Variants in PPM1D observed in about 807,000 individuals in gnomAD.
PPM1D encodes protein phosphatase 1D.
In PPM1D, 52 loss-of-function variants were observed where a neutral mutation model predicts 58.3. The ratio of observed to expected loss-of-function variants is 0.89; its 90% CI spans 0.71 to 1.12. The LOEUF (loss-of-function observed/expected upper bound fraction) is 1.12, where lower values mean the gene tolerates loss of function less well. Among genes scored for constraint, PPM1D ranks in the 50% most tolerant of loss-of-function variants. The probability of loss-of-function intolerance (pLI) is 0.00; values close to 1 mark genes in which losing one functional copy is unlikely to be tolerated. For missense variants in PPM1D, 564 were observed against 777.2 expected, an observed-to-expected ratio of 0.73 and a Z score of 3.26; for synonymous variants, 278 against 285.1, an observed-to-expected ratio of 0.98 and a Z score of 0.25.
chr17:60,625,376 A>G (rs1181304944), intron 2 of PPM1D, among the ~76,000 whole-genome samples: 1 of 152,176 alleles, frequency 6.6e-6, no homozygotes, highest in Non-Finnish European at 1.5e-5. Flanking sequence ...TAAGATTACA[A>G]ATTGGTACTA....
At chr17:60,626,867 A>G (rs1243262229) in intron 2 of PPM1D, among the ~76,000 whole-genome samples, 1 of 152,122 alleles carries the variant, frequency 6.6e-6, no homozygotes, top group East Asian at 1.9e-4. Context: ...ATTTGAATTT[A>G]TCTTATGAGA....
chr17:60,637,876 G>A (rs1031383664), intron 3 of PPM1D, among the ~76,000 whole-genome samples: 1 of 152,176 alleles, frequency 6.6e-6, no homozygotes, highest in Non-Finnish European at 1.5e-5. Context: ...TTGGGTTAGC[G>A]TACCCTGGAA....
intron 1 of PPM1D, among the ~76,000 whole-genome samples, chr17:60,602,380 G>A (rs1222440327): frequency 6.6e-6 from 1 of 151,936 alleles, no homozygotes; most frequent in Admixed American, 6.6e-5. Flanking sequence ...TGAACTTTAA[G>A]GATAAAAAAT....
chr17:60,656,573 C>G, intron 4 of PPM1D, 26 bp from the exon 5 acceptor site: 4 of 1,605,714 alleles, frequency 2.5e-6, no homozygotes, highest in Non-Finnish European at 3.4e-6. Flanking sequence ...GAGTTACTTT[C>G]CTTCTCCTTG....
intron 2 of PPM1D, among the ~76,000 whole-genome samples, 159 bp downstream of exon 2, chr17:60,623,908 C>T (rs761093683): frequency 2.0e-5 from 3 of 152,118 alleles, no homozygotes; most frequent in Non-Finnish European, 2.9e-5. Flanking sequence ...TATGTATGTT[C>T]ATATTTTTCT....
chr17:60,648,673 C>T (rs1370743258), intron 4 of PPM1D, among the ~76,000 whole-genome samples: 2 of 152,110 alleles, frequency 1.3e-5, no homozygotes, highest in South Asian at 4.1e-4. Flanking sequence ...AGCCACTGCG[C>T]CCGGCCAAAA....
intron 2 of PPM1D, among the ~76,000 whole-genome samples, chr17:60,625,540 C>G (rs1360935259): frequency 6.6e-6 from 1 of 152,178 alleles, no homozygotes; most frequent in African/African-American, 2.4e-5. Flanking sequence ...GGCCTAACAG[C>G]TGGATAATGG....
In PPM1D at chr17:60,664,329, GTT is replaced by G. The variant is rs1441470615; in HGVS notation, c.*779_*780del. ...CTTAAAGTAGTTACTCCCTTCTCGT[GTT>G]TGCTTAAAATATGTGAAGTTTTCCT... On this transcript the variant is annotated 3_prime_UTR_variant, in exon 6 of 6. Transcript: ENST00000305921. 6.6e-6 allele frequency: 1 copy of G among 152,620 alleles called. No individual in the cohort carries two copies. Among genetic ancestry groups the G allele is most frequent in the Non-Finnish European group, 1.5e-5 (1 of 68,016 alleles). 9.5% of individuals were successfully genotyped at this position (152,620 alleles called of 1,614,324 possible). A position where few individuals can be genotyped will look rare whatever the true frequency, so the allele number is the denominator to read the frequency against.
chr17:60,604,587 T>G (rs2030290244), intron 1 of PPM1D: 1 of 152,168 alleles, frequency 6.6e-6, no homozygotes, highest in Non-Finnish European at 1.5e-5. Flanking sequence ...GGCAAGACCC[T>G]GTTGCTATAC....
In PPM1D at chr17:60,665,096, T is replaced by C. The variant is rs959634885; in HGVS notation, c.*1544T>C. On this transcript the variant is annotated 3_prime_UTR_variant, in exon 6 of 6. Transcript: ENST00000305921. ...CTGCGATTCTCCTGCCTCAGCCTCCTGAGTAGCTGAGATTACAGGCACGCG... is the reference window on the plus strand; with the variant it reads ...CTGCGATTCTCCTGCCTCAGCCTCCCGAGTAGCTGAGATTACAGGCACGCG... The C allele has an allele frequency of 1.3e-5, 2 of 152,068 alleles. No individual in the cohort carries two copies. The highest frequency in any genetic ancestry group is 4.8e-5 in the African/African-American group (2 of 41,340). The allele number at this position is 152,068 out of a possible 1,614,324, so 9.4% of individuals were successfully genotyped here.
intron 1 of PPM1D, among the ~76,000 whole-genome samples, chr17:60,622,204 G>A (rs1265008849): frequency 6.7e-6 from 1 of 149,608 alleles, no homozygotes; most frequent in Non-Finnish European, 1.5e-5. Context: ...AAAAAAAAAA[G>A]GAACACTCAT....
At chr17:60,623,986 A>G (rs971372257) in intron 2 of PPM1D, among the ~76,000 whole-genome samples, 1 of 152,194 alleles carries the variant, frequency 6.6e-6, no homozygotes, top group Non-Finnish European at 1.5e-5. Flanking sequence ...AGTGAGCCCC[A>G]AGGAAACAAT....
At chr17:60,635,778 GC>G (rs1453596531) in intron 3 of PPM1D, among the ~76,000 whole-genome samples, 4 of 152,148 alleles carry the variant, frequency 2.6e-5, no homozygotes, top group Admixed American at 6.6e-5. Flanking sequence ...ATTAGGTATT[GC>G]TAAATTTCTT....
At position 60,666,038 on chromosome 17, in the gene PPM1D, T is replaced by C. The variant is rs1351417979; in HGVS notation, c.*2486T>C. On this transcript the variant is annotated 3_prime_UTR_variant, in exon 6 of 6. Coordinates refer to ENST00000305921, the MANE Select transcript of PPM1D (RefSeq NM_003620.4). ...AGACTCCTACACAAGGCATGAATTC[T>C]AGGAGGTGGGCATTTTTAAGTGTCA... 6.6e-6 allele frequency: 1 copy of C among 152,318 alleles called. No homozygotes were observed. The highest frequency in any genetic ancestry group is 6.5e-5 in the Admixed American group (1 of 15,290). 9.4% of individuals were successfully genotyped at this position (152,318 alleles called of 1,614,324 possible).
intron 4 of PPM1D, among the ~76,000 whole-genome samples, chr17:60,648,615 C>G (rs562131817): frequency 6.6e-6 from 1 of 152,024 alleles, no homozygotes; most frequent in Admixed American, 6.6e-5. Context: ...GATCTGACCT[C>G]GTGATCCGCC....
At position 60,664,816 on chromosome 17, in the gene PPM1D, G is replaced by GTTTC. The variant is rs2031589426; in HGVS notation, c.*1267_*1268insCTTT. 1 of 152,002 alleles carries GTTTC rather than the reference G, an allele frequency of 6.6e-6. No homozygotes were observed. 9.4% of individuals were successfully genotyped at this position (152,002 alleles called of 1,614,324 possible). ...TATTTATTTATTATTTTGTTTGTTT[G>GTTTC]TTTGAGATGGAGTCTCACTCTGTCA... On this transcript the variant is annotated 3_prime_UTR_variant, in exon 6 of 6. Transcript: ENST00000305921.
At chr17:60,626,000 C>T (rs1275376839) in intron 2 of PPM1D, among the ~76,000 whole-genome samples, 1 of 152,056 alleles carries the variant, frequency 6.6e-6, no homozygotes, top group Non-Finnish European at 1.5e-5. Context: ...TGTGTCCTTT[C>T]AAAAGAGAGA....
intron 3 of PPM1D, among the ~76,000 whole-genome samples, chr17:60,637,969 A>G (rs1228579939): frequency 1.3e-5 from 2 of 152,168 alleles, no homozygotes; most frequent in Non-Finnish European, 2.9e-5. Context: ...AAAAATGACC[A>G]TGGGATTTAG....
intron 1 of PPM1D, among the ~76,000 whole-genome samples, chr17:60,620,809 G>A (rs555044367): frequency 7.9e-4 from 121 of 152,280 alleles, no homozygotes; most frequent in African/African-American, 2.5e-3. Context: ...CACCCAGCCT[G>A]TTGCCATTTC....
Sources: allele counts gnomAD v4.1 joint callset (sites outside exome capture counted in the v4.1 genomes callset), GRCh38; gene constraint gnomAD v4.1.1; transcripts MANE v1.5; gene names NCBI Gene and HGNC (gene_info 2026-07-23, HGNC 2026-07-21).